DIPK2A: variants seen among roughly 807,000 people sequenced by gnomAD.
The protein encoded by DIPK2A is divergent protein kinase domain 2A.
A neutral mutation model predicts 39.0 loss-of-function variants in DIPK2A; 27 were observed. The ratio of observed to expected loss-of-function variants is 0.69; its 90% CI spans 0.51 to 0.96. DIPK2A has a LOEUF of 0.96. Among genes scored for constraint, DIPK2A ranks in the 40% least tolerant of loss-of-function variants. The probability of loss-of-function intolerance (pLI) is 0.00; values close to 1 mark genes in which losing one functional copy is unlikely to be tolerated. For missense variants in DIPK2A, 528 were observed against 571.3 expected (o/e 0.92, Z 0.77); for synonymous variants, 298 against 240.8 (o/e 1.24, Z -2.20).
chr3:143,972,378 C>A lies in DIPK2A; in HGVS notation c.46C>A (p.Leu16Met), dbSNP rs1427199574. ...PPKLGRLSRS[L>M]KLAALGSLLV... Reference sequence around the variant, plus strand: ...GAAGCTGGGCCGCCTGTCCCGCTCGCTGAAGCTGGCGGCGCTGGGCAGCCT... The same window carrying A: ...GAAGCTGGGCCGCCTGTCCCGCTCGATGAAGCTGGCGGCGCTGGGCAGCCT... The change falls in exon 1 of 3, where the codon CTG becomes ATG. Residue 16 changes from leucine to methionine, a missense_variant. Leu to Met is a conservative substitution (Grantham distance 15, BLOSUM62 2). Coordinates refer to ENST00000315691, the MANE Select transcript of DIPK2A (RefSeq NM_173552.5). The A allele has an allele frequency of 4.2e-6, 6 of 1,418,400 alleles. No individual in the cohort carries two copies. The highest frequency in any genetic ancestry group is 5.5e-6 in the Non-Finnish European group (6 of 1,085,122). The allele number at this position is 1,418,400 out of a possible 1,614,324, so 87.9% of individuals were successfully genotyped here.
intron 2 of DIPK2A, among the ~76,000 whole-genome samples, chr3:143,986,910 T>C (rs1409995012): frequency 6.6e-6 from 1 of 152,126 alleles, no homozygotes; most frequent in Admixed American, 6.5e-5. Context: ...TGAGTATCTT[T>C]TGACAAACAA....
Position 143,972,417 on chromosome 3 carries a change from G to A in DIPK2A, c.85G>A (p.Val29Met), listed in dbSNP as rs772360885. ...AALGSLLVLMVLHSPSLLASW... is the reference protein window; with the variant it reads ...AALGSLLVLMMLHSPSLLASW... ...GCTGGGCAGCCTGTTGGTGCTGATG[G>A]TGCTGCACTCGCCGTCGCTGCTCGC... The change falls in exon 1 of 3, where the codon GTG (valine) becomes ATG (methionine). Residue 29 changes from valine to methionine, a missense_variant. Transcript: ENST00000315691. 5 of 1,548,682 alleles carry A rather than the reference G, an allele frequency of 3.2e-6. No homozygotes were observed. The highest frequency in any genetic ancestry group is 1.2e-5 in the South Asian group (1 of 81,824).
At chr3:143,982,146 G>C (rs2087836210) in intron 1 of DIPK2A, among the ~76,000 whole-genome samples, 1 of 152,072 alleles carries the variant, frequency 6.6e-6, no homozygotes, top group African/African-American at 2.4e-5. Context: ...GTTTCTTATA[G>C]CATCAGTGCT....
intron 1 of DIPK2A, among the ~76,000 whole-genome samples, chr3:143,977,218 T>G (rs924065185): frequency 1.3e-5 from 2 of 152,084 alleles, no homozygotes; most frequent in African/African-American, 4.8e-5. Flanking sequence ...GTTGATAGAT[T>G]TTTACTATTG....
rs770508510 is a variant in DIPK2A, at chr3:143,972,510, G to C, written c.178G>C (p.Gly60Arg). The change falls in exon 1 of 3, where the codon GGC becomes CGC. Residue 60 changes from glycine (G) to arginine (R), a missense_variant. Physicochemically the swap from Gly to Arg is moderately radical, Grantham distance 125. Coordinates refer to ENST00000315691, the MANE Select transcript of DIPK2A (RefSeq NM_173552.5). The part of the protein sequence containing the change: ...LQLNKCPACF[G>R]TSWCRRFLNG... ...GCTCAATAAGTGCCCGGCGTGCTTCGGCACGAGCTGGTGCCGCCGCTTCCT... is the reference window on the plus strand; with the variant it reads ...GCTCAATAAGTGCCCGGCGTGCTTCCGCACGAGCTGGTGCCGCCGCTTCCT... The C allele has an allele frequency of 6.2e-7, 1 of 1,610,900 alleles. No individual in the cohort carries two copies. The highest frequency in any genetic ancestry group is 8.5e-7 in the Non-Finnish European group (1 of 1,178,878).
Position 143,972,015 on chromosome 3 carries a change from C to T in DIPK2A, c.-318C>T, listed in dbSNP as rs2087653249. ...GCACGGGCGCGCGACCGTCGGGTCC[C>T]CGCGCTCCCTCCCCCTCCCGCTCCT... On this transcript the variant is annotated 5_prime_UTR_variant, in exon 1 of 3. Transcript: ENST00000315691. The T allele has an allele frequency of 3.2e-6, 1 of 310,218 alleles. No homozygotes were observed. Among genetic ancestry groups the T allele is most frequent in the Non-Finnish European group, 5.9e-6 (1 of 169,638 alleles). The allele number at this position is 310,218 out of a possible 1,614,324, so 19.2% of individuals were successfully genotyped here. A position where few individuals can be genotyped will look rare whatever the true frequency, so the allele number is the denominator to read the frequency against.
Position 143,972,739 on chromosome 3 carries a change from A to C in DIPK2A, c.407A>C (p.Asp136Ala). 6.3e-7 allele frequency: 1 copy of C among 1,584,706 alleles called. No individual in the cohort carries two copies. Among genetic ancestry groups the C allele is most frequent in the Non-Finnish European group, 8.6e-7 (1 of 1,168,350 alleles). ...CGGGCCACCGGCCGGCCCCGCTGCG[A>C]CCTGCTGCAGGCCATGCCCCGGACC... ...CKRATGRPRCDLLQAMPRTEF... is the reference protein window; with the variant it reads ...CKRATGRPRCALLQAMPRTEF... The change falls in exon 1 of 3, where the codon GAC becomes GCC. Residue 136 changes from aspartate (D) to alanine (A), a missense_variant. Physicochemically the swap from Asp to Ala is moderately radical, Grantham distance 126. This residue lies in a region of DIPK2A where 309 missense variants were observed against 289.8 expected (regional missense o/e 1.07). Transcript: ENST00000315691.
rs367669278 is a variant in DIPK2A at position 143,983,618 on chromosome 3, A to G, written c.658-1925A>G. On this transcript the variant is annotated intron_variant, in intron 1 of 2. Coordinates refer to ENST00000315691, the MANE Select transcript of DIPK2A (RefSeq NM_173552.5). ...CAGGAGAAAACGAGAAAGGTGTAAA[A>G]TCGACATCCTAACATCACAATTAAA... Among the ~76,000 whole-genome samples the G allele has an allele frequency of 3.9e-5, 6 of 152,354 alleles. No homozygotes were observed. The East Asian group carries it at 1.2e-3, about 29-fold the overall frequency.
At chr3:143,974,514 GT>G (rs968010938) in intron 1 of DIPK2A, among the ~76,000 whole-genome samples, 1 of 152,158 alleles carries the variant, frequency 6.6e-6, no homozygotes, top group African/African-American at 2.4e-5. Flanking sequence ...TTGAACTGAA[GT>G]TTCTCATTAA....
Position 143,972,773 on chromosome 3 carries a change from G to A in DIPK2A, c.441G>A (p.Ala147=). The change falls in exon 1 of 3, where the codon GCG becomes GCA. Residue 147 remains alanine, a synonymous_variant. Coordinates refer to ENST00000315691, the MANE Select transcript of DIPK2A (RefSeq NM_173552.5). ...LLQAMPRTEF[A]RLNGDVRLLT... ...AGGCCATGCCCCGGACCGAGTTCGCGCGCCTCAACGGCGACGTGCGTCTGC... is the reference window on the plus strand; with the variant it reads ...AGGCCATGCCCCGGACCGAGTTCGCACGCCTCAACGGCGACGTGCGTCTGC... 1.9e-6 allele frequency: 3 copies of A among 1,570,768 alleles called. No homozygotes were observed. The highest frequency in any genetic ancestry group is 2.6e-6 in the Non-Finnish European group (3 of 1,162,240).
chr3:143,982,907 A>AT (rs2087845310), intron 1 of DIPK2A, among the ~76,000 whole-genome samples: 1 of 151,590 alleles, frequency 6.6e-6, no homozygotes, highest in Non-Finnish European at 1.5e-5. Flanking sequence ...AGCAAAAAAA[A>AT]CACAAAAAAA....
chr3:143,985,968 G>T, intron 2 of DIPK2A, 122 bp downstream of exon 2: 1 of 718,350 alleles, frequency 1.4e-6, no homozygotes, highest in Non-Finnish European at 2.2e-6. Context: ...GTCTTTCTTT[G>T]CTTTATATGA....
intron 1 of DIPK2A, among the ~76,000 whole-genome samples, chr3:143,981,680 C>T (rs773766221): frequency 6.6e-6 from 1 of 151,898 alleles, no homozygotes; most frequent in Non-Finnish European, 1.5e-5. Flanking sequence ...AAAACAAAAA[C>T]AGAAACAAAA....
chr3:143,975,817 G>T (rs2087720911), intron 1 of DIPK2A, among the ~76,000 whole-genome samples: 1 of 151,810 alleles, frequency 6.6e-6, no homozygotes, highest in South Asian at 2.1e-4. Context: ...TTCTTATATT[G>T]TCCAAAAATT....
Position 143,990,856 on chromosome 3 carries a change from C to A in DIPK2A, c.*1015C>A, listed in dbSNP as rs2087975226. 1 of 152,562 alleles carries A rather than the reference C, an allele frequency of 6.6e-6. No individual in the cohort carries two copies. Among genetic ancestry groups the A allele is most frequent in the Admixed American group, 6.5e-5 (1 of 15,274 alleles). The allele number at this position is 152,562 out of a possible 1,614,324, so 9.5% of individuals were successfully genotyped here. A position where few individuals can be genotyped will look rare whatever the true frequency, so the allele number is the denominator to read the frequency against. The stretch of plus-strand genomic sequence containing the variant: ...CTGTCATTATTAAATTCAGATCTTC[C>A]TGATTATTTTTTCTGTTGAAAGTTA... On this transcript the variant is annotated 3_prime_UTR_variant, in exon 3 of 3. Coordinates refer to ENST00000315691, the MANE Select transcript of DIPK2A (RefSeq NM_173552.5).
In DIPK2A at chr3:143,991,492, A is replaced by G. The variant is rs1576816153; in HGVS notation, c.*1651A>G. 1 of 152,640 alleles carries G rather than the reference A, an allele frequency of 6.6e-6. No individual in the cohort carries two copies. The highest frequency in any genetic ancestry group is 6.5e-5 in the Admixed American group (1 of 15,288). 9.5% of individuals were successfully genotyped at this position (152,640 alleles called of 1,614,324 possible). On this transcript the variant is annotated 3_prime_UTR_variant, in exon 3 of 3. Coordinates refer to ENST00000315691, the MANE Select transcript of DIPK2A (RefSeq NM_173552.5). ...TTTATTGTCTTGTGATAGAAATTCAACTTGTACCATCTAAAACTAGGTTGC... is the reference window on the plus strand; with the variant it reads ...TTTATTGTCTTGTGATAGAAATTCAGCTTGTACCATCTAAAACTAGGTTGC...
chr3:143,978,660 CTA>C (rs1213006964), intron 1 of DIPK2A: 2 of 76,046 alleles, frequency 2.6e-5, no homozygotes, highest in Admixed American at 1.3e-4. Flanking sequence ...ATATATATAT[CTA>C]TATATAGATA....
At position 143,973,457 on chromosome 3, in the gene DIPK2A, C is replaced by A. The variant is rs923849500; in HGVS notation, c.657+468C>A. ...CTGGCGCTGGTGGCTGGCCTAACTT[C>A]GGTCTCAGAGTCTTTGTTTTCGCTC... On this transcript the variant is annotated intron_variant, in intron 1 of 2. Transcript: ENST00000315691. 3 of 1,551,044 alleles carry A rather than the reference C, an allele frequency of 1.9e-6. No homozygotes were observed. The Admixed American group carries it at 5.9e-5, about 30-fold the overall frequency.
chr3:143,985,832 G>A lies in DIPK2A; in HGVS notation c.947G>A (p.Arg316Lys). The A allele has an allele frequency of 6.2e-7, 1 of 1,610,904 alleles. No homozygotes were observed. Among genetic ancestry groups the A allele is most frequent in the Non-Finnish European group, 8.5e-7 (1 of 1,178,200 alleles). ...DAENVLVADK[R>K]LIRQNKPENW... Reference sequence around the variant, plus strand: ...GAAAATGTTTTGGTTGCTGACAAAAGATTAATTAGACAAAGTAAGTATATA... The same window carrying A: ...GAAAATGTTTTGGTTGCTGACAAAAAATTAATTAGACAAAGTAAGTATATA... Residue 316 changes from arginine (R) to lysine (K), a missense_variant, in exon 2 of 3, where the codon AGA (arginine) becomes AAA (lysine). Coordinates refer to ENST00000315691, the MANE Select transcript of DIPK2A (RefSeq NM_173552.5).
Sources: gnomAD v4.1 joint callset for allele counts (sites outside exome capture counted in the v4.1 genomes callset) on GRCh38, gnomAD v4.1.1 for gene constraint, gnomAD v4.1.1 regional missense constraint, MANE v1.5 for transcripts, NCBI Gene and HGNC (gene_info 2026-07-23, HGNC 2026-07-21) for gene names.